Variants in PKD1 observed in about 807,000 individuals in gnomAD.
PKD1 encodes the protein polycystin 1, transient receptor potential channel interacting.
Under a neutral mutation model 361.7 loss-of-function variants are expected in PKD1, and 81 were observed. The observed-to-expected ratio is 0.22, with a 90% CI of 0.19 to 0.27. PKD1 has a LOEUF of 0.27. Ranked by LOEUF, PKD1 falls within the 10% of genes least tolerant of loss-of-function variation. The probability of loss-of-function intolerance (pLI) is 1.00; values close to 1 mark genes in which losing one functional copy is unlikely to be tolerated. For synonymous variants in PKD1, 3,615 were observed against 2,818.3 expected (o/e 1.28, Z -8.95); for missense variants, 6,399 against 6,118.3 (o/e 1.05, Z -1.53).
At chr16:2,120,582 G>C (rs1369345472) in intron 1 of PKD1, among the ~76,000 whole-genome samples, 1 of 152,234 alleles carries the variant, frequency 6.6e-6, no homozygotes, top group African/African-American at 2.4e-5. Context: ...TGTAACTGTA[G>C]TTCCAGCTAC....
Position 2,092,949 on chromosome 16 carries a change from C to T in PKD1, c.11156+5G>A, listed in dbSNP as rs781007377. ...AAGACAGACCAGTGCACCGGATGCC[C>T]GTACCGCGTGATGGCCAGGAAGGCC... is the stretch of plus-strand genomic sequence containing the variant. On this transcript the variant is annotated splice_donor_5th_base_variant and intron_variant, in intron 38 of 45. Transcript: ENST00000262304. 1.2e-6 allele frequency: 2 copies of T among 1,612,832 alleles called. No homozygotes were observed. The highest frequency in any genetic ancestry group is 1.7e-6 in the Non-Finnish European group (2 of 1,179,994).
In PKD1 at chr16:2,105,355, G is replaced by A. The variant is rs781699007; in HGVS notation, c.7983C>T (p.Ile2661=). 33 of 1,592,680 alleles carry A rather than the reference G, an allele frequency of 2.1e-5. No homozygotes were observed. The highest frequency in any genetic ancestry group is 1.1e-4 in the African/African-American group (8 of 74,404). The change falls in exon 21 of 46, where the codon ATC becomes ATT. Residue 2661 remains isoleucine (I), a synonymous_variant. Transcript: ENST00000262304. ...VSLRVHTVDD[I]QQIAAALAQC... ...GGGCCAGCGCAGCAGCGATCTGCTG[G>A]ATGTCATCCACAGTGTGGACCCTCA...
rs2091362743 is a variant in PKD1 at position 2,089,620 on chromosome 16, A to AC, written c.*106dup. On this transcript the variant is annotated 3_prime_UTR_variant, in exon 46 of 46. Transcript: ENST00000262304. ...GATGCCCCTGCCTGCTCTCTGGGGA[A>AC]CCTACGTGCAGCCATTCTGCCTGGC... The AC allele has an allele frequency of 2.2e-6, 3 of 1,347,448 alleles. No individual in the cohort carries two copies. Among genetic ancestry groups the AC allele is most frequent in the Non-Finnish European group, 3.1e-6 (3 of 973,854 alleles). 83.5% of individuals were successfully genotyped at this position (1,347,448 alleles called of 1,614,324 possible). A position where few individuals can be genotyped will look rare whatever the true frequency, so the allele number is the denominator to read the frequency against.
rs1354487874 is a variant in PKD1 at position 2,088,875 on chromosome 16, G to GCA, written c.*851_*852insTG. 2.0e-5 allele frequency: 10 copies of GCA among 487,886 alleles called. No individual in the cohort carries two copies. Among genetic ancestry groups the GCA allele is most frequent in the Non-Finnish European group, 2.9e-5 (8 of 277,076 alleles). 30.2% of individuals were successfully genotyped at this position (487,886 alleles called of 1,614,324 possible). A position where few individuals can be genotyped will look rare whatever the true frequency, so the allele number is the denominator to read the frequency against. On this transcript the variant is annotated 3_prime_UTR_variant, in exon 46 of 46. Transcript: ENST00000262304. Reference sequence around the variant, plus strand: ...GGCCATACAGCACACTCGCGCGTGCGCGCGCGCACACACACACACACACAG... The same window carrying GCA: ...GGCCATACAGCACACTCGCGCGTGCGCACGCGCGCACACACACACACACACAG...
In PKD1 at chr16:2,111,802, A is replaced by G; in HGVS notation, c.3365T>C (p.Val1122Ala). 1 of 1,609,778 alleles carries G rather than the reference A, an allele frequency of 6.2e-7. No homozygotes were observed. The highest frequency in any genetic ancestry group is 8.5e-7 in the Non-Finnish European group (1 of 1,179,372). The change falls in exon 15 of 46, where the codon GTG (valine) becomes GCG (alanine). Residue 1122 changes from valine to alanine, a missense_variant. By Grantham distance (64) the Val-to-Ala change is moderately conservative (BLOSUM62 0). Coordinates refer to ENST00000262304, the MANE Select transcript of PKD1 (RefSeq NM_001009944.3). ...AGCCACGGAGGGCAGGGAGGCGCGC[A>G]CGCTCACAGGCACCTGCTGCGTCAG... ...ENLTQQVPVS[V>A]RASLPSVAVG...
chr16:2,111,904 G>C, intron 14 of PKD1, 33 bp from the exon 15 acceptor site: 1 of 1,607,862 alleles, frequency 6.2e-7, no homozygotes, highest in South Asian at 1.1e-5. Context: ...GGCAGCCGCG[G>C]CACCCCCACC....
In PKD1 at chr16:2,091,444, G is replaced by C; in HGVS notation, c.11691C>G (p.Leu3897=). ...GTACCGAGGTGAGCAGAGGCAGCGAGAGGCCCGCGCTGAGGCGGCGCAGCG... is the reference window on the plus strand; with the variant it reads ...GTACCGAGGTGAGCAGAGGCAGCGACAGGCCCGCGCTGAGGCGGCGCAGCG... ...PFALRRLSAG[L]SLPLLTSVCL... The change falls in exon 42 of 46, where the codon CTC becomes CTG. Residue 3897 remains leucine, a synonymous_variant. Coordinates refer to ENST00000262304, the MANE Select transcript of PKD1 (RefSeq NM_001009944.3). The C allele has an allele frequency of 8.3e-7, 1 of 1,199,556 alleles. No homozygotes were observed. Among genetic ancestry groups the C allele is most frequent in the African/African-American group, 1.7e-5 (1 of 60,518 alleles). 74.3% of individuals were successfully genotyped at this position (1,199,556 alleles called of 1,614,324 possible). A position where few individuals can be genotyped will look rare whatever the true frequency, so the allele number is the denominator to read the frequency against.
intron 29 of PKD1, 27 bp downstream of exon 29, chr16:2,099,834 G>C (rs758385988): frequency 4.5e-6 from 7 of 1,558,720 alleles, no homozygotes; most frequent in African/African-American, 4.1e-5. Context: ...GGCAGGAAGA[G>C]GCTGCCCCGA....
In PKD1 at chr16:2,110,711, G is replaced by C; in HGVS notation, c.4456C>G (p.Leu1486Val). 3 of 1,610,200 alleles carry C rather than the reference G, an allele frequency of 1.9e-6. No individual in the cohort carries two copies. Among genetic ancestry groups the C allele is most frequent in the Non-Finnish European group, 2.5e-6 (3 of 1,179,598 alleles). The change falls in exon 15 of 46, where the codon CTG (leucine) becomes GTG (valine). Residue 1486 changes from leucine (L) to valine (V), a missense_variant. Transcript: ENST00000262304. ...SLGLELQQPY[L>V]FSAVGRGRPA... is the part of the protein sequence containing the mutation. ...CGCCCACGGCCCACAGCAGAGAACA[G>C]GTACGGCTGCTGCAGCTCCAGCCCA...
intron 1 of PKD1, among the ~76,000 whole-genome samples, chr16:2,132,305 C>T (rs887059534): frequency 2.0e-5 from 3 of 151,256 alleles, no homozygotes; most frequent in East Asian, 1.9e-4. Context: ...TGCGGTGGCT[C>T]ACGCCTGTAA....
At chr16:2,120,026 A>C in intron 1 of PKD1, 2 of 592,928 alleles carry the variant, frequency 3.4e-6, no homozygotes, top group South Asian at 4.0e-5. Context: ...ACCCTGGGCA[A>C]CACAGTGAGA....
In PKD1 at chr16:2,093,869, C is replaced by A. The variant is rs1301527382; in HGVS notation, c.10763G>T (p.Trp3588Leu). 1 of 1,571,518 alleles carries A rather than the reference C, an allele frequency of 6.4e-7. No individual in the cohort carries two copies. The highest frequency in any genetic ancestry group is 8.6e-7 in the Non-Finnish European group (1 of 1,164,508). The change falls in exon 36 of 46, where the codon TGG becomes TTG. Residue 3588 changes from tryptophan to leucine, a missense_variant. Coordinates refer to ENST00000262304, the MANE Select transcript of PKD1 (RefSeq NM_001009944.3). The stretch of plus-strand genomic sequence containing the variant: ...GAAGCTGGCGCTGCTGGACAGGAGC[C>A]ACGCAACACTCACGCCCGGGGGGAA... ...ASFPPGVSVAWLLSSSASFLA... is the reference protein window; with the variant it reads ...ASFPPGVSVALLLSSSASFLA...
At chr16:2,092,254 C>T in intron 39 of PKD1, 66 bp from the exon 40 acceptor site, 3 of 1,502,448 alleles carry the variant, frequency 2.0e-6, no homozygotes, top group South Asian at 1.2e-5. Context: ...GTGTTTCCTG[C>T]TGGCCAGCTC....
intron 8 of PKD1, 179 bp from the exon 9 acceptor site, chr16:2,116,297 G>C: frequency 1.4e-6 from 1 of 725,154 alleles, no homozygotes; most frequent in Non-Finnish European, 2.4e-6. Context: ...ATGGGGGGCA[G>C]GACCCCTGAC....
chr16:2,123,648 C>G, intron 1 of PKD1: 1 of 416,916 alleles, frequency 2.4e-6, no homozygotes, highest in Non-Finnish European at 4.8e-6. Context: ...TTCTGGTTCC[C>G]TGCAAGGATG....
At position 2,135,734 on chromosome 16, in the gene PKD1, C is replaced by T. The variant is rs900865632; in HGVS notation, c.-45G>A. ...TGGCCCCGCCGTCCCCAGGCCCGCC[C>T]GCGCGCGGAGGCCGCAGCTCAGGCG... On this transcript the variant is annotated 5_prime_UTR_variant, in exon 1 of 46. Transcript: ENST00000262304. 43 of 963,318 alleles carry T rather than the reference C, an allele frequency of 4.5e-5. No individual in the cohort carries two copies. In the African/African-American group the frequency reaches 4.6e-4, roughly 10 times the overall value. 59.7% of individuals were successfully genotyped at this position (963,318 alleles called of 1,614,324 possible).
chr16:2,106,811 C>T lies in PKD1; in HGVS notation c.7203G>A (p.Lys2401=). Residue 2401 remains lysine, a synonymous_variant, in exon 17 of 46, where the codon AAG becomes AAA. Coordinates refer to ENST00000262304, the MANE Select transcript of PKD1 (RefSeq NM_001009944.3). The surrounding 1 kb of genome is among the most constrained non-coding windows in gnomAD (Gnocchi z 6.5). ...GRCLNCSSGS[K]RGRWAARTFS... is the part of the protein sequence containing the mutation. ...CACCCCGCTCAACACTCACCCCTCG[C>T]TTGGAGCCGCTGCTGCAATTGAGGC... is the stretch of plus-strand genomic sequence containing the variant. 4 of 1,551,470 alleles carry T rather than the reference C, an allele frequency of 2.6e-6. No homozygotes were observed. Among genetic ancestry groups the T allele is most frequent in the Non-Finnish European group, 2.6e-6 (3 of 1,143,470 alleles).
chr16:2,134,598 C>G (rs1357122141), intron 1 of PKD1, among the ~76,000 whole-genome samples: 4 of 151,754 alleles, frequency 2.6e-5, no homozygotes, highest in Non-Finnish European at 5.9e-5. Context: ...CAAACCCCTG[C>G]TATGCACATC....
chr16:2,101,845 G>A, intron 26 of PKD1: 1 of 617,312 alleles, frequency 1.6e-6, no homozygotes, highest in Non-Finnish European at 2.9e-6. Context: ...TGCCCACCCT[G>A]ACTGACTGGC....
Sources: gnomAD v4.1 joint callset for allele counts (sites outside exome capture counted in the v4.1 genomes callset) on GRCh38, gnomAD v4.1.1 for gene constraint, Gnocchi (gnomAD v3.1) non-coding constraint, MANE v1.5 for transcripts, NCBI Gene and HGNC (gene_info 2026-07-23, HGNC 2026-07-21) for gene names.